Variants in PARD3B observed in about 807,000 individuals in gnomAD.
PARD3B encodes par-3 family cell polarity regulator beta, also known as partitioning defective 3 homolog B.
Under a neutral mutation model 130.2 loss-of-function variants are expected in PARD3B, and 103 were observed. That is an observed-to-expected ratio of 0.79 (90% confidence interval 0.67 to 0.93). PARD3B has a LOEUF of 0.93. PARD3B is among the 40% of genes least tolerant of loss of function. The pLI, the probability that PARD3B is intolerant of heterozygous loss-of-function variation, is 0.00. For synonymous variants in PARD3B, 583 were observed against 553.2 expected, an observed-to-expected ratio of 1.05 and a Z score of -0.76; for missense variants, 1,609 against 1,499.2, an observed-to-expected ratio of 1.07 and a Z score of -1.21.
At chr2:204,957,196 C>A (rs769758443) in intron 2 of PARD3B, among the ~76,000 whole-genome samples, 10 of 152,016 alleles carry the variant, frequency 6.6e-5, no homozygotes, top group Non-Finnish European at 1.5e-4. Context: ...AAATGTGATT[C>A]AATATAAGAT....
chr2:204,810,618 T>C (rs1286748279), intron 2 of PARD3B, among the ~76,000 whole-genome samples: 1 of 152,176 alleles, frequency 6.6e-6, no homozygotes, highest in Admixed American at 6.5e-5. Flanking sequence ...ATTTATTGAT[T>C]TGTGTATGTT....
rs916419678 is a variant in PARD3B, at chr2:205,287,656, C to T, written c.2186-12874C>T. 2.6e-5 allele frequency among the ~76,000 whole-genome samples: 4 copies of T among 152,106 alleles called. No individual in the cohort carries two copies. The highest frequency in any genetic ancestry group is 5.9e-5 in the Non-Finnish European group (4 of 68,020). ...GTACACCAAGGAAAGCCAGGATGCTCATTTTAGATAGAATAATGGGTGCCG... is the reference window on the plus strand; with the variant it reads ...GTACACCAAGGAAAGCCAGGATGCTTATTTTAGATAGAATAATGGGTGCCG... On this transcript the variant is annotated intron_variant, in intron 16 of 22. Transcript: ENST00000406610. The surrounding 1 kb of genome is among the most constrained non-coding windows in gnomAD (Gnocchi z 4.8).
At chr2:205,323,017 TC>T (rs2042807560) in intron 18 of PARD3B, among the ~76,000 whole-genome samples, 1 of 142,210 alleles carries the variant, frequency 7.0e-6, no homozygotes, top group South Asian at 2.4e-4. Flanking sequence ...TTCAAGTGAT[TC>T]CCCTGCCTCA....
At chr2:205,148,581 A>C (rs963231185) in intron 10 of PARD3B, among the ~76,000 whole-genome samples, 3 of 152,210 alleles carry the variant, frequency 2.0e-5, no homozygotes, top group African/African-American at 4.8e-5. Context: ...TTGTTGTGAA[A>C]ATTTATTTAG....
chr2:204,956,143 A>G (rs908661020), intron 2 of PARD3B, among the ~76,000 whole-genome samples: 6 of 152,226 alleles, frequency 3.9e-5, no homozygotes, highest in Non-Finnish European at 7.3e-5. Context: ...TTGCAGAAAT[A>G]AACCAACCTT....
rs1345132577 is a variant in PARD3B at position 205,021,899 on chromosome 2, A to G, written c.395-25682A>G. On this transcript the variant is annotated intron_variant, in intron 3 of 22. Transcript: ENST00000406610. This position sits in a 1 kb window ranked among gnomAD's most constrained non-coding sequence, Gnocchi z 4.5. ...GGTACTAAAATCTTCATATGTGGTC[A>G]AACACCTTTTACTTTTATTAGGAGA... Among the ~76,000 whole-genome samples the G allele has an allele frequency of 2.6e-5, 4 of 152,108 alleles. No individual in the cohort carries two copies. Among genetic ancestry groups the G allele is most frequent in the Non-Finnish European group, 4.4e-5 (3 of 68,022 alleles).
At chr2:204,745,409 T>C (rs980294385) in intron 2 of PARD3B, among the ~76,000 whole-genome samples, 1 of 1,506 alleles carries the variant, frequency 6.6e-4, no homozygotes, top group Non-Finnish European at 1.2e-3. Context: ...AATACTACCT[T>C]TTTTTTTTTT....
intron 2 of PARD3B, among the ~76,000 whole-genome samples, chr2:204,864,163 G>A (rs904972504): frequency 3.9e-5 from 6 of 152,010 alleles, no homozygotes; most frequent in African/African-American, 9.7e-5. Context: ...CCTGGAGCAC[G>A]ACAGCATACT....
At chr2:205,119,138 A>G in intron 7 of PARD3B, 92 bp downstream of exon 7, 1 of 1,428,504 alleles carries the variant, frequency 7.0e-7, no homozygotes, top group Non-Finnish European at 9.3e-7. Flanking sequence ...TAGTAGGTAG[A>G]ATTTCTAGTC....
At chr2:205,601,703 A>C (rs957237720) in intron 22 of PARD3B, among the ~76,000 whole-genome samples, 2 of 152,124 alleles carry the variant, frequency 1.3e-5, no homozygotes, top group African/African-American at 4.8e-5. Flanking sequence ...GTCCAGTTTA[A>C]ATTTTCTGCA....
At chr2:205,312,587 G>T (rs1043447734) in intron 18 of PARD3B, among the ~76,000 whole-genome samples, 1 of 152,192 alleles carries the variant, frequency 6.6e-6, no homozygotes, top group East Asian at 1.9e-4. Context: ...CAGAGGAAAA[G>T]AAATCGATGC....
At chr2:205,092,382 G>C (rs1206213411) in intron 4 of PARD3B, among the ~76,000 whole-genome samples, 1 of 152,140 alleles carries the variant, frequency 6.6e-6, no homozygotes, top group Non-Finnish European at 1.5e-5. Flanking sequence ...GGTTGCCGAG[G>C]AAGTGGTTTC....
intron 2 of PARD3B, among the ~76,000 whole-genome samples, chr2:204,717,468 G>A (rs1301544169): frequency 6.6e-6 from 1 of 151,968 alleles, no homozygotes; most frequent in African/African-American, 2.4e-5. Flanking sequence ...TGTTATCCCT[G>A]TCACGTGAAC....
chr2:205,614,887 A>C (rs1451726407), intron 22 of PARD3B, among the ~76,000 whole-genome samples: 1 of 152,062 alleles, frequency 6.6e-6, no homozygotes, highest in African/African-American at 2.4e-5. Flanking sequence ...GATTTAGAAA[A>C]GCGAGTGCAG....
intron 2 of PARD3B, among the ~76,000 whole-genome samples, chr2:204,867,759 G>C (rs181588358): frequency 2.0e-5 from 3 of 152,118 alleles, no homozygotes; most frequent in African/African-American, 7.2e-5. Context: ...GTATTTAGCA[G>C]ACATTTCTCT....
intron 1 of PARD3B, among the ~76,000 whole-genome samples, chr2:204,639,030 G>A (rs1053261147): frequency 1.3e-5 from 2 of 152,088 alleles, no homozygotes; most frequent in African/African-American, 4.8e-5. Flanking sequence ...GTAGATCCCA[G>A]CCTGCTCTCA....
Position 204,998,354 on chromosome 2 carries a change from ATATATGTGTGTGTGTGTGTG to A in PARD3B, c.394+33037_394+33056del, listed in dbSNP as rs1559341402. ...TATATATATATATATATATATATAT[ATATATGTGTGTGTGTGTGTG>A]TATATATGTGTGTGTATATATGTAT... On this transcript the variant is annotated intron_variant, in intron 3 of 22. Transcript: ENST00000406610. Among the ~76,000 whole-genome samples, 132 of 73,004 alleles carry A rather than the reference ATATATGTGTGTGTGTGTGTG, an allele frequency of 1.8e-3. 3 individuals carry two copies. Among genetic ancestry groups the A allele is most frequent in the African/African-American group, 3.1e-3 (45 of 14,558 alleles). The allele number at this position is 73,004 out of a possible 152,430, so 47.9% of individuals were successfully genotyped here.
chr2:205,553,334 G>C lies in PARD3B; in HGVS notation c.3191G>C (p.Arg1064Thr). 6.2e-7 allele frequency: 1 copy of C among 1,613,918 alleles called. No individual in the cohort carries two copies. ...CTTTTCTCTCCACAGGTGCCTGGAA[G>C]GGGTCCAGATGGGAATGCACACAAC... ...SEYDLLWVPG[R>T]GPDGNAHNLR... The change falls in exon 22 of 23, where the codon AGG (arginine) becomes ACG (threonine). Residue 1064 changes from arginine to threonine, a missense_variant. Arg to Thr is a moderately conservative substitution (Grantham distance 71). Coordinates refer to ENST00000406610, the MANE Select transcript of PARD3B (RefSeq NM_001302769.2).
chr2:205,025,770 A>G (rs1273072905), intron 3 of PARD3B, among the ~76,000 whole-genome samples: 1 of 151,992 alleles, frequency 6.6e-6, no homozygotes, highest in African/African-American at 2.4e-5. Flanking sequence ...GCTGACTCCT[A>G]TTCCATGTTT....
Sources: allele counts gnomAD v4.1 joint callset (sites outside exome capture counted in the v4.1 genomes callset), GRCh38; gene constraint gnomAD v4.1.1; non-coding constraint Gnocchi (gnomAD v3.1); transcripts MANE v1.5; gene names NCBI Gene and HGNC (gene_info 2026-07-23, HGNC 2026-07-21).